Variants in EPB41L5 observed in about 807,000 individuals in gnomAD.
The protein encoded by EPB41L5 is band 4.1-like protein 5.
Under a neutral mutation model 106.6 loss-of-function variants are expected in EPB41L5, and 55 were observed. That is an observed-to-expected ratio of 0.52 (90% CI 0.42 to 0.65). The LOEUF is 0.65. EPB41L5 is among the 30% of genes least tolerant of loss of function. The pLI is 0.00. For missense variants in EPB41L5, 871 were observed against 882.1 expected (o/e 0.99, Z 0.16); for synonymous variants, 297 against 306.7 (o/e 0.97, Z 0.33).
At chr2:120,143,414 C>T (rs754890565) in intron 19 of EPB41L5, among the ~76,000 whole-genome samples, 14 of 152,040 alleles carry the variant, frequency 9.2e-5, no homozygotes, top group Non-Finnish European at 1.9e-4. Flanking sequence ...TTTATCCATC[C>T]ACTATTCCCC....
Position 120,087,080 on chromosome 2 carries a change from T to C in EPB41L5, c.804-91T>C, listed in dbSNP as rs571323875. On this transcript the variant is annotated intron_variant, in intron 10 of 24. Coordinates refer to ENST00000263713, the MANE Select transcript of EPB41L5 (RefSeq NM_020909.4). The stretch of plus-strand genomic sequence containing the variant: ...GTCAATTTTTAGTTCAGGAGTTAGA[T>C]GGTTAAATGTATTTGAAATAAAAAC... The C allele has an allele frequency of 1.2e-3, 896 of 727,402 alleles. 13 individuals are homozygous for C. The South Asian group carries it at 0.016, about 13-fold the overall frequency. 45.1% of individuals were successfully genotyped at this position (727,402 alleles called of 1,614,324 possible).
Position 120,175,213 on chromosome 2 carries a change from A to G in EPB41L5, c.*306A>G. On this transcript the variant is annotated 3_prime_UTR_variant, in exon 25 of 25. Coordinates refer to ENST00000263713, the MANE Select transcript of EPB41L5 (RefSeq NM_020909.4). The stretch of plus-strand genomic sequence containing the variant: ...TTCCTTCAAACTCTTGGCTCCACCT[A>G]GCGGTTCTATTTGTTCATAACAACT... The G allele has an allele frequency of 3.0e-6, 1 of 337,160 alleles. No individual in the cohort carries two copies. Among genetic ancestry groups the G allele is most frequent in the Admixed American group, 3.8e-5 (1 of 26,192 alleles). 20.9% of individuals were successfully genotyped at this position (337,160 alleles called of 1,614,324 possible).
chr2:120,081,221 C>T (rs1473871074), intron 10 of EPB41L5, among the ~76,000 whole-genome samples: 2 of 152,082 alleles, frequency 1.3e-5, no homozygotes, highest in Non-Finnish European at 2.9e-5. Flanking sequence ...AGGTTTTCTT[C>T]TAGGGTTTTT....
At chr2:120,082,395 A>G (rs1682736626) in intron 10 of EPB41L5, among the ~76,000 whole-genome samples, 1 of 152,056 alleles carries the variant, frequency 6.6e-6, no homozygotes, top group Non-Finnish European at 1.5e-5. Context: ...TTCTGTTTAT[A>G]TGCTGGATTA....
intron 23 of EPB41L5, 146 bp from the exon 24 acceptor site, chr2:120,167,731 A>T: frequency 8.9e-7 from 1 of 1,117,872 alleles, no homozygotes; most frequent in Non-Finnish European, 1.3e-6. Context: ...GATGAAGAAT[A>T]GTTAAGAAAA....
chr2:120,148,719 A>G (rs1686523666), intron 20 of EPB41L5, among the ~76,000 whole-genome samples: 1 of 152,206 alleles, frequency 6.6e-6, no homozygotes, highest in Admixed American at 6.5e-5. Flanking sequence ...ATAATATTTC[A>G]TTATATAGAT....
At chr2:120,113,961 T>A (rs1466688142) in intron 16 of EPB41L5, among the ~76,000 whole-genome samples, 1 of 152,222 alleles carries the variant, frequency 6.6e-6, no homozygotes, top group Non-Finnish European at 1.5e-5. Context: ...AACATTGAGG[T>A]GTAGGTTTTG....
chr2:120,017,841 G>A (rs557228627), intron 1 of EPB41L5, among the ~76,000 whole-genome samples: 1 of 152,072 alleles, frequency 6.6e-6, no homozygotes, highest in East Asian at 1.9e-4. Flanking sequence ...TCTGCCACCC[G>A]GGCTGGAGTG....
At chr2:120,067,975 A>G (rs888579433) in intron 3 of EPB41L5, among the ~76,000 whole-genome samples, 5 of 152,356 alleles carry the variant, frequency 3.3e-5, no homozygotes, top group Admixed American at 2.6e-4. Context: ...TTAAGAAGTC[A>G]CATGATGGCT....
At chr2:120,033,078 T>A (rs189681291) in intron 2 of EPB41L5, among the ~76,000 whole-genome samples, 1 of 152,358 alleles carries the variant, frequency 6.6e-6, no homozygotes, top group East Asian at 1.9e-4. Context: ...ACACCATTTC[T>A]AAGGTTGATA....
At chr2:120,105,744 G>A (rs1232139569) in intron 16 of EPB41L5, 7 of 985,118 alleles carry the variant, frequency 7.1e-6, no homozygotes, top group Admixed American at 6.2e-5. Context: ...GGCCACTAAT[G>A]TATGGCCCTT....
intron 2 of EPB41L5, among the ~76,000 whole-genome samples, chr2:120,039,686 G>A (rs1375219567): frequency 6.6e-6 from 1 of 152,076 alleles, no homozygotes; most frequent in Non-Finnish European, 1.5e-5. Context: ...TTAGGTGGGT[G>A]TGGTGGCGCA....
At position 120,093,010 on chromosome 2, in the gene EPB41L5, G is replaced by A. The variant is rs73952025; in HGVS notation, c.1151-239G>A. Among the ~76,000 whole-genome samples, 1,226 of 152,282 alleles carry A rather than the reference G, an allele frequency of 8.1e-3. 14 individuals are homozygous for A. Among genetic ancestry groups the A allele is most frequent in the African/African-American group, 0.028 (1,162 of 41,560 alleles). ...AATCCCAGCACTTTGGGAGGCCAAG[G>A]TGGGAGGATTGCTTGAGCCCAAAAG... On this transcript the variant is annotated intron_variant, in intron 13 of 24. Coordinates refer to ENST00000263713, the MANE Select transcript of EPB41L5 (RefSeq NM_020909.4).
chr2:120,102,894 A>G (rs974873338), intron 16 of EPB41L5, among the ~76,000 whole-genome samples: 1 of 152,214 alleles, frequency 6.6e-6, no homozygotes. Flanking sequence ...TAGTGTTTAG[A>G]AAACCTTGCA....
At chr2:120,121,790 T>C (rs1376757075) in intron 16 of EPB41L5, among the ~76,000 whole-genome samples, 2 of 152,302 alleles carry the variant, frequency 1.3e-5, no homozygotes, top group South Asian at 2.1e-4. Context: ...TTTACACTCC[T>C]ACCAACAGTG....
chr2:120,044,144 A>AC (rs1214435117), intron 3 of EPB41L5, among the ~76,000 whole-genome samples: 8 of 150,616 alleles, frequency 5.3e-5, no homozygotes, highest in Non-Finnish European at 1.2e-4. Flanking sequence ...TGTCTCTTAA[A>AC]AAAAAAAAAA....
intron 5 of EPB41L5, 112 bp from the exon 6 acceptor site, chr2:120,075,364 A>G: frequency 1.3e-6 from 1 of 792,136 alleles, no homozygotes; most frequent in East Asian, 2.7e-5. Flanking sequence ...TCTTTTATAC[A>G]TTAATACAAG....
At chr2:120,061,515 G>T (rs919278849) in intron 3 of EPB41L5, among the ~76,000 whole-genome samples, 1 of 151,258 alleles carries the variant, frequency 6.6e-6, no homozygotes, top group Admixed American at 6.6e-5. Flanking sequence ...GAGCCACCGC[G>T]CCCGGCCTTT....
intron 24 of EPB41L5, among the ~76,000 whole-genome samples, chr2:120,171,480 G>A (rs1005083402): frequency 1.3e-5 from 2 of 152,186 alleles, no homozygotes; most frequent in African/African-American, 2.4e-5. Flanking sequence ...TCTGGATCTT[G>A]GAATTTCCAT....
Sources: gnomAD v4.1 joint callset for allele counts (sites outside exome capture counted in the v4.1 genomes callset) on GRCh38, gnomAD v4.1.1 for gene constraint, MANE v1.5 for transcripts, NCBI Gene and HGNC (gene_info 2026-07-23, HGNC 2026-07-21) for gene names.